Variants in SV2B observed in about 807,000 individuals in gnomAD.
SV2B encodes synaptic vesicle glycoprotein 2B.
A neutral mutation model predicts 73.9 loss-of-function variants in SV2B; 41 were observed. The ratio of observed to expected loss-of-function variants is 0.56; its 90% CI spans 0.43 to 0.72. SV2B has a LOEUF of 0.72. SV2B is among the 30% of genes least tolerant of loss of function. The pLI is 0.00. For synonymous variants in SV2B, 314 were observed against 314.2 expected, an observed-to-expected ratio of 1.00 and a Z score of 0.01; for missense variants, 764 against 857.8, an observed-to-expected ratio of 0.89 and a Z score of 1.37.
rs369012645 is a variant in SV2B at position 91,209,047 on chromosome 15, T to C, written c.-391-16826T>C. Among the ~76,000 whole-genome samples, 148 of 151,988 alleles carry C rather than the reference T, an allele frequency of 9.7e-4. 2 individuals are homozygous for C. The highest frequency in any genetic ancestry group is 3.4e-3 in the African/African-American group (142 of 41,412). On this transcript the variant is annotated intron_variant, in intron 1 of 12. Coordinates refer to ENST00000394232, the MANE Select transcript of SV2B (RefSeq NM_001323032.3). ...GGTGACAGAAGAGTCAGAGATAGAC[T>C]CTGTCCTCAAGTTGCTTGCCAGTTA...
Position 91,261,024 on chromosome 15 carries a change from G to A in SV2B, c.1008+615G>A, listed in dbSNP as rs922769419. ...AACGCAGAGCCACACCACATCAGAG[G>A]CCGAGGCTGGCAGATCACTTGAAGT... On this transcript the variant is annotated intron_variant, in intron 6 of 12. Coordinates refer to ENST00000394232, the MANE Select transcript of SV2B (RefSeq NM_001323032.3). The surrounding 1 kb of genome is among the most constrained non-coding windows in gnomAD (Gnocchi z 4.7). 6.6e-6 allele frequency among the ~76,000 whole-genome samples: 1 copy of A among 152,164 alleles called. No individual in the cohort carries two copies. The highest frequency in any genetic ancestry group is 1.5e-5 in the Non-Finnish European group (1 of 68,030).
chr15:91,183,917 G>A (rs574786481), intron 1 of SV2B, among the ~76,000 whole-genome samples: 4 of 152,084 alleles, frequency 2.6e-5, no homozygotes, highest in African/African-American at 9.6e-5. Flanking sequence ...TCGTTTCTAC[G>A]TGTCTTATTT....
rs1437126428 is a variant in SV2B at position 91,270,916 on chromosome 15, A to G, written c.1373+2311A>G. Among the ~76,000 whole-genome samples, 23 of 140,980 alleles carry G rather than the reference A, an allele frequency of 1.6e-4. 3 individuals carry two copies. Among genetic ancestry groups the G allele is most frequent in the African/African-American group, 6.2e-4 (22 of 35,254 alleles). 92.5% of individuals were successfully genotyped at this position (140,980 alleles called of 152,430 possible). A position where few individuals can be genotyped will look rare whatever the true frequency, so the allele number is the denominator to read the frequency against. ...GATGGGAGGACGGTGAGTCCTGTGGACGATGGGAGGACGGTGAGTCCTGTG... is the reference window on the plus strand; with the variant it reads ...GATGGGAGGACGGTGAGTCCTGTGGGCGATGGGAGGACGGTGAGTCCTGTG... On this transcript the variant is annotated intron_variant, in intron 9 of 12. Transcript: ENST00000394232.
At chr15:91,125,165 G>T (rs2042440143) in intron 1 of SV2B, among the ~76,000 whole-genome samples, 1 of 152,134 alleles carries the variant, frequency 6.6e-6, no homozygotes, top group Non-Finnish European at 1.5e-5. Context: ...ATTGGATTAG[G>T]ATCTACCCTA....
chr15:91,207,034 T>C (rs2045666867), intron 1 of SV2B, among the ~76,000 whole-genome samples: 1 of 152,104 alleles, frequency 6.6e-6, no homozygotes, highest in Admixed American at 6.6e-5. Flanking sequence ...GTGAGCAATT[T>C]CCTTTAAAAA....
rs1251146037 is a variant in SV2B at position 91,234,632 on chromosome 15, T to A, written c.451+7918T>A. Among the ~76,000 whole-genome samples, 1 of 152,084 alleles carries A rather than the reference T, an allele frequency of 6.6e-6. No homozygotes were observed. Among genetic ancestry groups the A allele is most frequent in the South Asian group, 2.1e-4 (1 of 4,832 alleles). ...AACTTCTAGGTCAAGTGAACAGAAGTCTCATGAAATATAGAAACAGAGCAT... is the reference window on the plus strand; with the variant it reads ...AACTTCTAGGTCAAGTGAACAGAAGACTCATGAAATATAGAAACAGAGCAT... On this transcript the variant is annotated intron_variant, in intron 2 of 12. Transcript: ENST00000394232. This position sits in a 1 kb window ranked among gnomAD's most constrained non-coding sequence, Gnocchi z 5.6.
intron 1 of SV2B, among the ~76,000 whole-genome samples, chr15:91,199,099 A>C (rs1466710699): frequency 6.6e-6 from 1 of 152,176 alleles, no homozygotes; most frequent in Non-Finnish European, 1.5e-5. Flanking sequence ...TCCTGGACTC[A>C]AGCAATCCTC....
intron 2 of SV2B, 29 bp from the exon 3 acceptor site, chr15:91,251,790 A>G (rs921030364): frequency 6.2e-7 from 1 of 1,607,788 alleles, no homozygotes; most frequent in Middle Eastern, 1.7e-4. Flanking sequence ...TTTTCTCTCT[A>G]TTCTCTCCTC....
In SV2B at chr15:91,289,454, T is replaced by G; in HGVS notation, c.1709-67T>G. 6.2e-7 allele frequency: 1 copy of G among 1,604,892 alleles called. No homozygotes were observed. On this transcript the variant is annotated intron_variant, in intron 11 of 12. Transcript: ENST00000394232. The surrounding 1 kb of genome is among the most constrained non-coding windows in gnomAD (Gnocchi z 4.9). The stretch of plus-strand genomic sequence containing the variant: ...TGAGGGTGGGAGATGGGGCAAGAAC[T>G]GTGAGTGACAGCCATGTGCAAGACA...
intron 1 of SV2B, among the ~76,000 whole-genome samples, chr15:91,162,673 A>G (rs1370897366): frequency 1.3e-5 from 2 of 152,156 alleles, no homozygotes; most frequent in Non-Finnish European, 2.9e-5. Flanking sequence ...TCAGGTTCCA[A>G]TCTCATTCTT....
chr15:91,100,459 A>G lies in SV2B; in HGVS notation c.-392+96A>G, dbSNP rs1203933137. On this transcript the variant is annotated intron_variant, in intron 1 of 12. Coordinates refer to ENST00000394232, the MANE Select transcript of SV2B (RefSeq NM_001323032.3). This position sits in a 1 kb window ranked among gnomAD's most constrained non-coding sequence, Gnocchi z 6.4. ...TCCCAGACTCGCCTGCCTGGGCTGA[A>G]ATATACACGCTCGCACAGCTGAGTG... 1 of 152,328 alleles carries G rather than the reference A, an allele frequency of 6.6e-6. No homozygotes were observed. The highest frequency in any genetic ancestry group is 2.4e-5 in the African/African-American group (1 of 41,472). The allele number at this position is 152,328 out of a possible 1,614,324, so 9.4% of individuals were successfully genotyped here.
intron 1 of SV2B, among the ~76,000 whole-genome samples, chr15:91,221,982 A>G (rs1394347070): frequency 1.3e-5 from 2 of 152,146 alleles, no homozygotes; most frequent in African/African-American, 2.4e-5. Flanking sequence ...CAACTGCTGT[A>G]GGCCACCTGG....
At chr15:91,108,135 C>T (rs1218858327) in intron 1 of SV2B, among the ~76,000 whole-genome samples, 1 of 152,094 alleles carries the variant, frequency 6.6e-6, no homozygotes, top group African/African-American at 2.4e-5. Context: ...AGCTGAAGGA[C>T]TTAAAGATTT....
Position 91,232,696 on chromosome 15 carries a change from C to T in SV2B, c.451+5982C>T, listed in dbSNP as rs2046625314. On this transcript the variant is annotated intron_variant, in intron 2 of 12. Coordinates refer to ENST00000394232, the MANE Select transcript of SV2B (RefSeq NM_001323032.3). The surrounding 1 kb of genome is among the most constrained non-coding windows in gnomAD (Gnocchi z 4.7). ...TGACATATTGTTATAGCAGTAGTTC[C>T]TTTTGAATTTTTCACGTTTAAAATA... 6.6e-6 allele frequency among the ~76,000 whole-genome samples: 1 copy of T among 152,060 alleles called. No individual in the cohort carries two copies. Among genetic ancestry groups the T allele is most frequent in the Admixed American group, 6.6e-5 (1 of 15,256 alleles).
intron 1 of SV2B, among the ~76,000 whole-genome samples, chr15:91,114,183 CAAAAAAAAAA>C (rs11372573): frequency 5.4e-5 from 3 of 55,962 alleles, no homozygotes; most frequent in East Asian, 2.4e-3. Flanking sequence ...GACTCCATCT[CAAAAAAAAAA>C]AAAAAAAAAA....
chr15:91,153,118 A>G (rs2043365382), intron 1 of SV2B, among the ~76,000 whole-genome samples: 1 of 152,106 alleles, frequency 6.6e-6, no homozygotes, highest in South Asian at 2.1e-4. Flanking sequence ...GGCAGGGGAG[A>G]TGGAGGGATC....
chr15:91,224,468 AG>A lies in SV2B; in HGVS notation c.-391-1404del, dbSNP rs938719081. Among the ~76,000 whole-genome samples the A allele has an allele frequency of 3.8e-4, 58 of 152,196 alleles. No individual in the cohort carries two copies. The highest frequency in any genetic ancestry group is 1.4e-3 in the African/African-American group (57 of 41,450). ...GCTACTCAGTGAGGCGGGGCCTCAG[AG>A]CCACTTGGAGAGAGCTGTGGGCAAA... is the stretch of plus-strand genomic sequence containing the variant. On this transcript the variant is annotated intron_variant, in intron 1 of 12. Coordinates refer to ENST00000394232, the MANE Select transcript of SV2B (RefSeq NM_001323032.3). This position sits in a 1 kb window ranked among gnomAD's most constrained non-coding sequence, Gnocchi z 4.9.
chr15:91,163,635 T>G (rs2043805975), intron 1 of SV2B, among the ~76,000 whole-genome samples: 1 of 152,216 alleles, frequency 6.6e-6, no homozygotes, highest in Non-Finnish European at 1.5e-5. Context: ...TGTAAATTTG[T>G]TTAAGTTCTT....
chr15:91,147,424 T>C (rs550706504), intron 1 of SV2B, among the ~76,000 whole-genome samples: 28 of 152,348 alleles, frequency 1.8e-4, no homozygotes, highest in South Asian at 4.1e-4. Context: ...GTCATTTCAG[T>C]GCCAGTGCCA....
Sources: gnomAD v4.1 joint callset for allele counts (sites outside exome capture counted in the v4.1 genomes callset) on GRCh38, gnomAD v4.1.1 for gene constraint, Gnocchi (gnomAD v3.1) non-coding constraint, MANE v1.5 for transcripts, NCBI Gene and HGNC (gene_info 2026-07-23, HGNC 2026-07-21) for gene names.